The following ARHGAP6 variants were observed in gnomAD, a reference collection of about 807,000 sequenced individuals.
ARHGAP6 encodes the protein rho GTPase-activating protein 6.
Under a neutral mutation model 55.7 loss-of-function variants are expected in ARHGAP6, and 16 were observed. The ratio of observed to expected loss-of-function variants is 0.29; its 90% confidence interval spans 0.19 to 0.44. The LOEUF is 0.44. Among genes scored for constraint, ARHGAP6 ranks in the 20% least tolerant of loss-of-function variants. The probability of loss-of-function intolerance (pLI) is 1.00; values close to 1 mark genes in which losing one functional copy is unlikely to be tolerated. For missense variants in ARHGAP6, 698 were observed against 808.9 expected, an observed-to-expected ratio of 0.86 and a Z score of 1.66; for synonymous variants, 382 against 360.9, an observed-to-expected ratio of 1.06 and a Z score of -0.66.
At chrX:11,254,162 G>A (rs907298119) in intron 2 of ARHGAP6, among the ~76,000 whole-genome samples, 2 of 112,022 alleles carry the variant, frequency 1.8e-5, no homozygotes, top group African/African-American at 6.5e-5. Context: ...AAGTTTAACA[G>A]AGTGTTAAGG....
At chrX:11,477,739 C>G (rs886213455) in intron 1 of ARHGAP6, among the ~76,000 whole-genome samples, 1 of 111,705 alleles carries the variant, frequency 9.0e-6, no homozygotes, top group African/African-American at 3.2e-5. Flanking sequence ...GATAAAGAAG[C>G]TAGACCAAAA....
chrX:11,580,029 G>T (rs961290907), intron 1 of ARHGAP6, among the ~76,000 whole-genome samples: 1 of 110,973 alleles, frequency 9.0e-6, no homozygotes, highest in Non-Finnish European at 1.9e-5. Flanking sequence ...TATACCACCA[G>T]CCACTGCAAC....
intron 1 of ARHGAP6, among the ~76,000 whole-genome samples, chrX:11,442,933 T>C (rs1385872513): frequency 1.8e-5 from 2 of 112,433 alleles, no homozygotes; most frequent in Non-Finnish European, 1.9e-5. Context: ...ATTTCTATCA[T>C]TAAAGAGATG....
chrX:11,512,047 T>C (rs5935089), intron 1 of ARHGAP6, among the ~76,000 whole-genome samples: 5,206 of 110,902 alleles, frequency 0.047, 118 homozygotes, highest in Middle Eastern at 0.11. Context: ...AGGATGGTCT[T>C]GATCTCCTGA....
At chrX:11,649,770 A>G (rs2052565887) in intron 1 of ARHGAP6, among the ~76,000 whole-genome samples, 1 of 111,930 alleles carries the variant, frequency 8.9e-6, no homozygotes, top group African/African-American at 3.2e-5. Flanking sequence ...TTTTATTATA[A>G]AGCAGTTATT....
In ARHGAP6 at chrX:11,191,537, T is replaced by C. The variant is rs754038005; in HGVS notation, c.821-2553A>G. Among the ~76,000 whole-genome samples the C allele has an allele frequency of 4.5e-5, 5 of 112,130 alleles. No individual in the cohort carries two copies. In the South Asian group the frequency reaches 1.9e-3, roughly 42 times the overall value. ...TTTGTACTAAATTTATTCAAGCAGC[T>C]ATTTCTTAAAAAAATAAACAACCTT... On this transcript the variant is annotated intron_variant, in intron 3 of 12. Coordinates refer to ENST00000337414, the MANE Select transcript of ARHGAP6 (RefSeq NM_013427.3).
intron 1 of ARHGAP6, among the ~76,000 whole-genome samples, chrX:11,407,764 A>G (rs1422057587): frequency 9.0e-6 from 1 of 111,632 alleles, no homozygotes; most frequent in Non-Finnish European, 1.9e-5. Context: ...GCATGTTTTC[A>G]TGTTCTTATT....
At chrX:11,596,782 G>A (rs765060753) in intron 1 of ARHGAP6, among the ~76,000 whole-genome samples, 16 of 111,132 alleles carry the variant, frequency 1.4e-4, no homozygotes, top group Admixed American at 3.8e-4. Context: ...ATACTCAAAG[G>A]TTTCAAAGCA....
chrX:11,226,299 T>C, intron 2 of ARHGAP6, among the ~76,000 whole-genome samples: 1 of 110,985 alleles, frequency 9.0e-6, no homozygotes. Flanking sequence ...GCTTCATCCA[T>C]GTCCCTACAA....
intron 1 of ARHGAP6, among the ~76,000 whole-genome samples, chrX:11,262,839 T>C (rs1410369825): frequency 9.0e-6 from 1 of 110,987 alleles, no homozygotes; most frequent in South Asian, 3.9e-4. Flanking sequence ...ATTCAGAAAA[T>C]CTCTGATCAT....
chrX:11,467,817 TAAAAA>T (rs1309311284), intron 1 of ARHGAP6, among the ~76,000 whole-genome samples: 99 of 109,842 alleles, frequency 9.0e-4, no homozygotes, highest in Middle Eastern at 4.6e-3. Flanking sequence ...CCATCTCTAC[TAAAAA>T]TACAAAAATT....
intron 1 of ARHGAP6, among the ~76,000 whole-genome samples, chrX:11,590,242 G>T (rs1328563000): frequency 9.0e-6 from 1 of 111,405 alleles, no homozygotes; most frequent in Non-Finnish European, 1.9e-5. Flanking sequence ...TGTCCCAGAG[G>T]TTAATTACTA....
chrX:11,299,563 G>C (rs1222172720), intron 1 of ARHGAP6, among the ~76,000 whole-genome samples: 1 of 112,170 alleles, frequency 8.9e-6, no homozygotes, highest in Non-Finnish European at 1.9e-5. Context: ...TAAGCTTTTA[G>C]CAAGAAGTTA....
chrX:11,292,370 AGGGG>A (rs1171335608), intron 1 of ARHGAP6, among the ~76,000 whole-genome samples: 1 of 111,913 alleles, frequency 8.9e-6, no homozygotes, highest in African/African-American at 3.2e-5. Flanking sequence ...ACCAAGGTAG[AGGGG>A]TAAAACACAC....
intron 10 of ARHGAP6, among the ~76,000 whole-genome samples, chrX:11,155,272 A>AAGAC (rs1293976473): frequency 1.8e-5 from 2 of 112,142 alleles, no homozygotes; most frequent in Non-Finnish European, 3.8e-5. Context: ...ACCATCGATT[A>AAGAC]AGACATGCCA....
At chrX:11,480,331 GA>G (rs2050444010) in intron 1 of ARHGAP6, among the ~76,000 whole-genome samples, 2 of 111,488 alleles carry the variant, frequency 1.8e-5, no homozygotes, top group Admixed American at 9.5e-5. Context: ...AAAAAAGCCA[GA>G]AACCAAAAAA....
intron 1 of ARHGAP6, among the ~76,000 whole-genome samples, chrX:11,362,650 TATAATAATAATA>T (rs111272294): frequency 6.4e-4 from 69 of 108,211 alleles, no homozygotes; most frequent in African/African-American, 2.3e-3. Context: ...AAACTTAAAG[TATAATAATAATA>T]ATAATAATAA....
intron 1 of ARHGAP6, among the ~76,000 whole-genome samples, chrX:11,310,037 A>T (rs1308871141): frequency 9.2e-6 from 1 of 109,072 alleles, no homozygotes; most frequent in South Asian, 4.1e-4. Context: ...GTGCGTGCCC[A>T]TAGTTCCAGC....
At chrX:11,321,699 T>C (rs190250395) in intron 1 of ARHGAP6, among the ~76,000 whole-genome samples, 147 of 111,782 alleles carry the variant, frequency 1.3e-3, no homozygotes, top group Middle Eastern at 9.2e-3. Context: ...TTTCATATTA[T>C]TCAAAAAGAA....
Sources: allele counts gnomAD v4.1 joint callset (sites outside exome capture counted in the v4.1 genomes callset), GRCh38; gene constraint gnomAD v4.1.1; transcripts MANE v1.5; gene names NCBI Gene and HGNC (gene_info 2026-07-23, HGNC 2026-07-21).